Variants in ZNF677 observed in about 807,000 individuals in gnomAD.
ZNF677 encodes the protein zinc finger protein 677, also known as hypothetical protein MGC48625.
ZNF677 carries 5 observed loss-of-function variants against 8.1 expected under a neutral mutation model. The ratio of observed to expected loss-of-function variants is 0.62; its 90% CI spans 0.32 to 1.29. The LOEUF (loss-of-function observed/expected upper bound fraction) is 1.29. Among genes scored for constraint, ZNF677 ranks in the 50% most tolerant of loss-of-function variants. The pLI, the probability that ZNF677 is intolerant of heterozygous loss-of-function variation, is 0.05. For synonymous variants in ZNF677, 221 were observed against 225.6 expected (o/e 0.98, Z 0.18); for missense variants, 685 against 685.9 (o/e 1.00, Z 0.01).
intron 3 of ZNF677, among the ~76,000 whole-genome samples, chr19:53,246,865 T>C (rs1231536832): frequency 6.6e-6 from 1 of 152,168 alleles, no homozygotes; most frequent in Non-Finnish European, 1.5e-5. Flanking sequence ...AGTTCTTAGG[T>C]TGTATTCTTA....
In ZNF677 at chr19:53,237,673, A is replaced by G; in HGVS notation, c.1054T>C (p.Cys352Arg). Residue 352 changes from cysteine (C) to arginine (R), a missense_variant, in exon 5 of 5, where the codon TGT becomes CGT. Cys to Arg is a radical substitution (Grantham distance 180). Transcript: ENST00000598513. ...TGEKPYKCNE[C>R]GKAFIQRSHL... ...GAACGCTGGATAAATGCCTTACCAC[A>G]TTCATTACATTTGTAAGGTTTCTCT... 1 of 1,612,818 alleles carries G rather than the reference A, an allele frequency of 6.2e-7. No homozygotes were observed. The highest frequency in any genetic ancestry group is 2.2e-5 in the East Asian group (1 of 44,874).
At chr19:53,239,825 G>A (rs1258345603) in intron 4 of ZNF677, 1 of 152,210 alleles carries the variant, frequency 6.6e-6, no homozygotes, top group African/African-American at 2.4e-5. Flanking sequence ...AAGGGCTGAA[G>A]AGGTTTACAT....
In ZNF677 at chr19:53,237,781, C is replaced by A; in HGVS notation, c.946G>T (p.Glu316Ter). ...CATATATTACATTGATATGGTTTCT[C>A]TCCTGTATGGACTCTCTGATGCCTA... ...LTRHQRVHTG[E>*]KPYQCNICGK... Residue 316 changes from glutamate to a stop codon, truncating the protein, a stop_gained, in exon 5 of 5, where the codon GAG (glutamate) becomes TAG (stop). Coordinates refer to ENST00000598513, the MANE Select transcript of ZNF677 (RefSeq NM_182609.4). LOFTEE classifies it low-confidence loss of function (END_TRUNC). 3 of 1,613,478 alleles carry A rather than the reference C, an allele frequency of 1.9e-6. No homozygotes were observed. The South Asian group carries it at 3.3e-5, about 18-fold the overall frequency.
intron 2 of ZNF677, among the ~76,000 whole-genome samples, chr19:53,251,897 T>C (rs973826208): frequency 3.9e-5 from 6 of 152,188 alleles, no homozygotes; most frequent in Non-Finnish European, 8.8e-5. Context: ...TGTGTCCAAG[T>C]TCATGGCCAG....
Position 53,237,893 on chromosome 19 carries a change from G to A in ZNF677, c.834C>T (p.Leu278=). The A allele has an allele frequency of 1.2e-6, 2 of 1,613,166 alleles. No individual in the cohort carries two copies. The highest frequency in any genetic ancestry group is 1.3e-5 in the African/African-American group (1 of 75,036). ...CAGAGTGAATTCTCTGATGATTAGT[G>A]AGGTTCGAACTTTTGCTAAAAGCCT... is the stretch of plus-strand genomic sequence containing the variant. ...CGKAFSKSSN[L]TNHQRIHSGQ... is the part of the protein sequence containing the mutation. The change falls in exon 5 of 5, where the codon CTC becomes CTT. Residue 278 remains leucine, a synonymous_variant. Coordinates refer to ENST00000598513, the MANE Select transcript of ZNF677 (RefSeq NM_182609.4).
At position 53,236,821 on chromosome 19, in the gene ZNF677, G is replaced by T; in HGVS notation, c.*151C>A. 3.1e-6 allele frequency: 2 copies of T among 645,358 alleles called. No individual in the cohort carries two copies. The highest frequency in any genetic ancestry group is 2.5e-6 in the Non-Finnish European group (1 of 408,062). The allele number at this position is 645,358 out of a possible 1,614,324, so 40.0% of individuals were successfully genotyped here. On this transcript the variant is annotated 3_prime_UTR_variant, in exon 5 of 5. Coordinates refer to ENST00000598513, the MANE Select transcript of ZNF677 (RefSeq NM_182609.4). ...AATTCTATGATGTTCCACAAGGCTT[G>T]AACTTTGGATAAGCCTTGCCATACA...
intron 3 of ZNF677, 85 bp downstream of exon 3, chr19:53,251,451 C>T: frequency 8.9e-7 from 1 of 1,118,814 alleles, no homozygotes; most frequent in African/African-American, 1.5e-5. Flanking sequence ...CAGGACACTT[C>T]AGAGTCAGAT....
intron 1 of ZNF677, among the ~76,000 whole-genome samples, chr19:53,254,203 C>T (rs1196362717): frequency 6.6e-6 from 1 of 151,952 alleles, no homozygotes; most frequent in Admixed American, 6.6e-5. Context: ...TTGGGTGCCC[C>T]CCCCTTTCTC....
chr19:53,243,488 G>C, intron 4 of ZNF677: 1 of 525,018 alleles, frequency 1.9e-6, no homozygotes, highest in Non-Finnish European at 3.3e-6. Context: ...CATGATACCA[G>C]ACACTTTAAA....
chr19:53,247,605 T>G (rs1006106579), intron 3 of ZNF677, among the ~76,000 whole-genome samples: 15 of 152,198 alleles, frequency 9.9e-5, no homozygotes, highest in Admixed American at 9.8e-4. Context: ...CTCCAACTAT[T>G]ATAGCAGGAC....
rs202144081 is a variant in ZNF677, at chr19:53,236,985, G to A, written c.1742C>T (p.Ser581Leu). ...GAGCCCCTGATGCTAGGTACAGCTT[G>A]AATACTTAATTTTTGTCTCATTATA... ...IKYNETKIKY[S>L]SCT Residue 581 changes from serine (S) to leucine (L), a missense_variant, in exon 5 of 5, where the codon TCA (serine) becomes TTA (leucine). Coordinates refer to ENST00000598513, the MANE Select transcript of ZNF677 (RefSeq NM_182609.4). 4.8e-5 allele frequency: 75 copies of A among 1,561,092 alleles called. No individual in the cohort carries two copies. Among genetic ancestry groups the A allele is most frequent in the Non-Finnish European group, 2.4e-5 (28 of 1,159,982 alleles).
chr19:53,238,721 C>T (rs920901107), intron 4 of ZNF677, 164 bp from the exon 5 acceptor site: 2 of 566,376 alleles, frequency 3.5e-6, no homozygotes, highest in African/African-American at 3.8e-5. Flanking sequence ...ACTAGCTGTC[C>T]TCAATAAAGT....
intron 3 of ZNF677, 35 bp from the exon 4 acceptor site, chr19:53,243,932 G>A: frequency 5.9e-6 from 9 of 1,532,878 alleles, no homozygotes; most frequent in Non-Finnish European, 7.9e-6. Flanking sequence ...AGTGGACACA[G>A]GAAAATTTCT....
chr19:53,254,434 TC>T (rs2091283423), intron 1 of ZNF677, among the ~76,000 whole-genome samples: 1 of 152,146 alleles, frequency 6.6e-6, no homozygotes, highest in African/African-American at 2.4e-5. Context: ...CGCGCATTTC[TC>T]CCTCTTTATC....
At chr19:53,251,728 A>T in intron 2 of ZNF677, 123 bp from the exon 3 acceptor site, 1 of 644,480 alleles carries the variant, frequency 1.6e-6, no homozygotes, top group East Asian at 2.9e-5. Context: ...TTGCAACAAG[A>T]GTGAAAATAA....
chr19:53,254,275 T>TC (rs921604997), intron 1 of ZNF677, among the ~76,000 whole-genome samples: 1 of 152,008 alleles, frequency 6.6e-6, no homozygotes, highest in Non-Finnish European at 1.5e-5. Context: ...TCTGTTTCTT[T>TC]CCTTTTCTTT....
intron 3 of ZNF677, among the ~76,000 whole-genome samples, chr19:53,250,498 TAAA>T (rs1289486379): frequency 6.6e-6 from 1 of 152,166 alleles, no homozygotes; most frequent in East Asian, 1.9e-4. Context: ...TATGTAGCCA[TAAA>T]AAAAGAGATC....
rs1341690343 is a variant in ZNF677, at chr19:53,237,550, G to A, written c.1177C>T (p.His393Tyr). 2 of 1,613,476 alleles carry A rather than the reference G, an allele frequency of 1.2e-6. No homozygotes were observed. Among genetic ancestry groups the A allele is most frequent in the African/African-American group, 2.7e-5 (2 of 74,720 alleles). The part of the protein sequence containing the change: ...AFAERSSLTQ[H>Y]KRIHTGEKPY... ...TTCTCTCCAGTATGGATTCTCTTATGTTGGGTAAGGCTTGAACGTTCAGCA... is the reference window on the plus strand; with the variant it reads ...TTCTCTCCAGTATGGATTCTCTTATATTGGGTAAGGCTTGAACGTTCAGCA... The change falls in exon 5 of 5, where the codon CAT becomes TAT. Residue 393 changes from histidine to tyrosine, a missense_variant. Coordinates refer to ENST00000598513, the MANE Select transcript of ZNF677 (RefSeq NM_182609.4).
chr19:53,243,909 A>AG lies in ZNF677; in HGVS notation c.16-13_16-12insC. ...AATGTAAACAGTCCCTGAAATAAAA[A>AG]CACACTTCACCAAGTGGACACAGGA... On this transcript the variant is annotated splice_polypyrimidine_tract_variant and intron_variant, in intron 3 of 4. Transcript: ENST00000598513. The AG allele has an allele frequency of 6.4e-7, 1 of 1,569,194 alleles. No individual in the cohort carries two copies. Among genetic ancestry groups the AG allele is most frequent in the Non-Finnish European group, 8.6e-7 (1 of 1,161,646 alleles).
Sources: allele counts gnomAD v4.1 joint callset (sites outside exome capture counted in the v4.1 genomes callset), GRCh38; gene constraint gnomAD v4.1.1; transcripts MANE v1.5; gene names NCBI Gene and HGNC (gene_info 2026-07-23, HGNC 2026-07-21).